PPFIBP1: variants seen among roughly 807,000 people sequenced by gnomAD.
PPFIBP1 encodes liprin-beta-1.
A neutral mutation model predicts 137.8 loss-of-function variants in PPFIBP1; 112 were observed. That is an observed-to-expected ratio of 0.81 (90% CI 0.70 to 0.95). PPFIBP1 has a LOEUF of 0.95. PPFIBP1 is among the 40% of genes least tolerant of loss of function. The probability of loss-of-function intolerance (pLI) is 0.00; values close to 1 mark genes in which losing one functional copy is unlikely to be tolerated. For missense variants in PPFIBP1, 1,083 were observed against 1,196.6 expected (o/e 0.91, Z 1.40); for synonymous variants, 378 against 417.3 (o/e 0.91, Z 1.15).
At chr12:27,625,484 AAC>A (rs756811927) in intron 2 of PPFIBP1, among the ~76,000 whole-genome samples, 38 of 152,252 alleles carry the variant, frequency 2.5e-4, no homozygotes, top group Admixed American at 7.9e-4. Context: ...CATTATTAAT[AAC>A]CTTAGAATGA....
At chr12:27,592,387 C>A in intron 2 of PPFIBP1, 1 of 596,982 alleles carries the variant, frequency 1.7e-6, no homozygotes, top group Non-Finnish European at 2.9e-6. Context: ...AAAAAATAAA[C>A]TATTGGGGAT....
intron 2 of PPFIBP1, among the ~76,000 whole-genome samples, chr12:27,606,048 T>G (rs2054491524): frequency 6.6e-6 from 1 of 152,140 alleles, no homozygotes; most frequent in Non-Finnish European, 1.5e-5. Context: ...CTAGTGAAAA[T>G]TTAATTAGAC....
chr12:27,543,615 C>T (rs548351187), intron 1 of PPFIBP1, among the ~76,000 whole-genome samples: 2 of 152,174 alleles, frequency 1.3e-5, no homozygotes, highest in South Asian at 4.2e-4. Flanking sequence ...ATATAATTCA[C>T]GCCATGTATA....
At chr12:27,589,568 T>G (rs1765866600) in intron 2 of PPFIBP1, among the ~76,000 whole-genome samples, 1 of 152,252 alleles carries the variant, frequency 6.6e-6, no homozygotes, top group Admixed American at 6.5e-5. Context: ...CTTACTTTAC[T>G]GTAAAGACTT....
chr12:27,563,460 GA>G (rs10607744), intron 1 of PPFIBP1, among the ~76,000 whole-genome samples: 101,678 of 118,892 alleles, frequency 0.86, 43,782 homozygotes, highest in African/African-American at 0.9. Context: ...CCATCTCAAA[GA>G]AAAAAAAAAA....
At chr12:27,573,160 G>A (rs1369005245) in intron 1 of PPFIBP1, among the ~76,000 whole-genome samples, 1 of 152,168 alleles carries the variant, frequency 6.6e-6, no homozygotes, top group Non-Finnish European at 1.5e-5. Context: ...AAAATGCCAA[G>A]CATCTATTTG....
chr12:27,663,565 G>T (rs1332412030), intron 11 of PPFIBP1, among the ~76,000 whole-genome samples: 1 of 152,220 alleles, frequency 6.6e-6, no homozygotes, highest in East Asian at 1.9e-4. Flanking sequence ...TTGGGGCCGG[G>T]CATGGTGGCT....
chr12:27,584,678 CCAATGT>C (rs779393503), intron 2 of PPFIBP1, among the ~76,000 whole-genome samples: 16 of 152,230 alleles, frequency 1.1e-4, no homozygotes, highest in Non-Finnish European at 2.4e-4. Flanking sequence ...TATAGCCAGA[CCAATGT>C]TTTTAAATAG....
intron 2 of PPFIBP1, among the ~76,000 whole-genome samples, chr12:27,582,931 T>C (rs1211627913): frequency 6.6e-6 from 1 of 152,250 alleles, no homozygotes; most frequent in Non-Finnish European, 1.5e-5. Context: ...ATTGTTATTT[T>C]TCCATCAGCT....
intron 2 of PPFIBP1, among the ~76,000 whole-genome samples, chr12:27,595,637 C>G (rs1437198917): frequency 1.3e-5 from 2 of 151,956 alleles, no homozygotes; most frequent in Non-Finnish European, 2.9e-5. Context: ...GGCGGATCAC[C>G]TGAGGTCCGG....
chr12:27,636,968 T>C (rs2057722748), intron 4 of PPFIBP1: 1 of 152,242 alleles, frequency 6.6e-6, no homozygotes, highest in East Asian at 1.9e-4. Context: ...TCGCCAGATA[T>C]TTGCATGGCT....
Position 27,660,871 on chromosome 12 carries a change from A to G in PPFIBP1, c.845-13A>G. 2 of 1,613,122 alleles carry G rather than the reference A, an allele frequency of 1.2e-6. No individual in the cohort carries two copies. Among genetic ancestry groups the G allele is most frequent in the Non-Finnish European group, 1.7e-6 (2 of 1,179,626 alleles). On this transcript the variant is annotated splice_polypyrimidine_tract_variant and intron_variant, in intron 10 of 29. Coordinates refer to ENST00000228425, the MANE Select transcript of PPFIBP1 (RefSeq NM_003622.4). The stretch of plus-strand genomic sequence containing the variant: ...GTGAACTGAACTGACTTCTGATTTG[A>G]TGTTATTTTCAGACATCGAAGTACA...
intron 25 of PPFIBP1, chr12:27,688,078 C>T (rs574923079): frequency 2.0e-6 from 1 of 501,926 alleles, no homozygotes. Flanking sequence ...GAGAATTAGA[C>T]CCTGTCTTAA....
At chr12:27,596,169 A>G (rs1223168232) in intron 2 of PPFIBP1, among the ~76,000 whole-genome samples, 1 of 151,866 alleles carries the variant, frequency 6.6e-6, no homozygotes, top group Non-Finnish European at 1.5e-5. Context: ...ACCTCAACGC[A>G]TTGGAATCTA....
chr12:27,618,273 C>T (rs1451663105), intron 2 of PPFIBP1, among the ~76,000 whole-genome samples: 7 of 152,204 alleles, frequency 4.6e-5, no homozygotes, highest in Admixed American at 1.3e-4. Flanking sequence ...CCCCTCCTCT[C>T]GGCCAAGGGC....
chr12:27,570,196 A>C (rs1206831065), intron 1 of PPFIBP1, among the ~76,000 whole-genome samples: 1 of 152,154 alleles, frequency 6.6e-6, no homozygotes, highest in East Asian at 1.9e-4. Flanking sequence ...CTAGGATTTC[A>C]ATTTTTTTCT....
At position 27,688,430 on chromosome 12, in the gene PPFIBP1, C is replaced by G; in HGVS notation, c.2496+7C>G. ...TGTCCATGGTGGGCTCATGGTAAAG[C>G]TCTGATTTAATTTAAAATTGACTTA... On this transcript the variant is annotated splice_region_variant and intron_variant, in intron 26 of 29. Transcript: ENST00000228425. 2 of 1,611,250 alleles carry G rather than the reference C, an allele frequency of 1.2e-6. No homozygotes were observed. Among genetic ancestry groups the G allele is most frequent in the Non-Finnish European group, 1.7e-6 (2 of 1,179,256 alleles).
At chr12:27,570,916 A>C (rs2050089100) in intron 1 of PPFIBP1, among the ~76,000 whole-genome samples, 1 of 143,424 alleles carries the variant, frequency 7.0e-6, no homozygotes, top group Non-Finnish European at 1.6e-5. Flanking sequence ...GTCTCAAAGA[A>C]AAAAATAAAA....
intron 1 of PPFIBP1, among the ~76,000 whole-genome samples, chr12:27,544,441 G>A (rs1245838842): frequency 1.3e-5 from 2 of 152,146 alleles, no homozygotes; most frequent in African/African-American, 4.8e-5. Context: ...AACTGTCGTC[G>A]GAGTGAACAG....
Sources: gnomAD v4.1 joint callset for allele counts (sites outside exome capture counted in the v4.1 genomes callset) on GRCh38, gnomAD v4.1.1 for gene constraint, MANE v1.5 for transcripts, NCBI Gene and HGNC (gene_info 2026-07-23, HGNC 2026-07-21) for gene names.